ENO3: variants seen among roughly 807,000 people sequenced by gnomAD.
The protein encoded by ENO3 is enolase 3, also known as beta-enolase.
In ENO3, 46 loss-of-function variants were observed where a neutral mutation model predicts 47.7. The observed-to-expected ratio is 0.96, with a 90% CI of 0.76 to 1.23. The LOEUF is 1.23. ENO3 is among the 50% of genes most tolerant of loss of function. The pLI, the probability that ENO3 is intolerant of heterozygous loss-of-function variation, is 0.00. For synonymous variants in ENO3, 223 were observed against 225.9 expected, an observed-to-expected ratio of 0.99 and a Z score of 0.11; for missense variants, 575 against 566.2, an observed-to-expected ratio of 1.02 and a Z score of -0.16.
chr17:4,957,053 T>C lies in ENO3; in HGVS notation c.*6T>C, dbSNP rs747816947. 15 of 1,613,924 alleles carry C rather than the reference T, an allele frequency of 9.3e-6. No individual in the cohort carries two copies. In the South Asian group the frequency reaches 1.5e-4, roughly 17 times the overall value. On this transcript the variant is annotated 3_prime_UTR_variant, in exon 12 of 12. Coordinates refer to ENST00000519602, the MANE Select transcript of ENO3 (RefSeq NM_053013.4). ...GTAACCCGAAGGCCAAGTGAGAAGC[T>C]GGAGGCTCCAGGACTCCACTGGACA...
At chr17:4,956,425 T>G in intron 9 of ENO3, 148 bp from the exon 10 acceptor site, 1 of 848,824 alleles carries the variant, frequency 1.2e-6, no homozygotes, top group Non-Finnish European at 2.0e-6. Context: ...AAGATAAGTC[T>G]TTTCCTCTCC....
upstream of ENO3, chr17:4,950,517 C>T (rs1026006327): frequency 8.2e-6 from 8 of 977,810 alleles, no homozygotes; most frequent in South Asian, 2.8e-4. Context: ...CCTTGCCAGC[C>T]GAAAGGGCCT....
At chr17:4,954,033 T>C (rs1166186470) in intron 6 of ENO3, 188 bp downstream of exon 6, 2 of 852,740 alleles carry the variant, frequency 2.3e-6, no homozygotes, top group Non-Finnish European at 3.7e-6. Context: ...CCCTGAAGGC[T>C]CTATGTGCTT....
At chr17:4,956,470 C>A in intron 9 of ENO3, 103 bp from the exon 10 acceptor site, 1 of 1,128,346 alleles carries the variant, frequency 8.9e-7, no homozygotes, top group Non-Finnish European at 1.4e-6. Flanking sequence ...GCCCTCCCTG[C>A]AGAGTGCTTG....
At chr17:4,953,368 G>A (rs764620224) in intron 5 of ENO3, 27 bp downstream of exon 5, 1 of 1,614,018 alleles carries the variant, frequency 6.2e-7, no homozygotes. Context: ...CGGTGGGGAA[G>A]GGATGAGGTG....
intron 3 of ENO3, 36 bp from the exon 4 acceptor site, chr17:4,953,015 G>T (rs369407375): frequency 3.1e-6 from 5 of 1,613,902 alleles, no homozygotes; most frequent in Non-Finnish European, 3.4e-6. Flanking sequence ...GGGCCCAGTT[G>T]ATTGAGCTCC....
chr17:4,953,813 G>T lies in ENO3; in HGVS notation c.412G>T (p.Ala138Ser). 2 of 1,614,142 alleles carry T rather than the reference G, an allele frequency of 1.2e-6. No individual in the cohort carries two copies. Among genetic ancestry groups the T allele is most frequent in the Non-Finnish European group, 1.7e-6 (2 of 1,180,018 alleles). Residue 138 changes from alanine to serine, a missense_variant, in exon 6 of 12, where the codon GCT becomes TCT. By Grantham distance (99) the Ala-to-Ser change is moderately conservative. Transcript: ENST00000519602. The stretch of plus-strand genomic sequence containing the variant: ...CCTGTACCGCCACATCGCAGATCTC[G>T]CTGGGAACCCTGACCTCATACTCCC... ...VPLYRHIADL[A>S]GNPDLILPVP...
Position 4,955,151 on chromosome 17 carries a change from G to GAGCCAGCTCCTTCAAGGA in ENO3, c.527_544dup (p.Ser176_Ala181dup). The GAGCCAGCTCCTTCAAGGA allele has an allele frequency of 2.5e-6, 4 of 1,614,240 alleles. No homozygotes were observed. The highest frequency in any genetic ancestry group is 3.4e-6 in the Non-Finnish European group (4 of 1,180,040). ...CAGGAGTTCATGATTCTGCCTGTGG[G>GAGCCAGCTCCTTCAAGGA]AGCCAGCTCCTTCAAGGAAGCCATG... On this transcript the variant is annotated inframe_insertion, in exon 7 of 12. Coordinates refer to ENST00000519602, the MANE Select transcript of ENO3 (RefSeq NM_053013.4).
intron 1 of ENO3, chr17:4,951,594 C>T (rs1971540462): frequency 1.9e-6 from 1 of 527,392 alleles, no homozygotes; most frequent in East Asian, 3.5e-5. Context: ...GCGGTGGCAT[C>T]CCAGGAGCTA....
At chr17:4,956,347 AC>A in intron 9 of ENO3, 2 of 734,742 alleles carry the variant, frequency 2.7e-6, no homozygotes, top group Non-Finnish European at 4.6e-6. Flanking sequence ...ATGACCCCCC[AC>A]CCCCAGCCCA....
chr17:4,951,907 G>A lies in ENO3; in HGVS notation c.78G>A (p.Thr26=), dbSNP rs758704680. 3.0e-5 allele frequency: 49 copies of A among 1,613,964 alleles called. No individual in the cohort carries two copies. Among genetic ancestry groups the A allele is most frequent in the South Asian group, 6.6e-5 (6 of 91,072 alleles). The change falls in exon 2 of 12, where the codon ACG becomes ACA. Residue 26 remains threonine, a synonymous_variant. Coordinates refer to ENST00000519602, the MANE Select transcript of ENO3 (RefSeq NM_053013.4). ...GNPTVEVDLH[T]AKGRFRAAVP... Reference sequence around the variant, plus strand: ...CCACGGTGGAGGTGGACCTGCACACGGCCAAGGGTAACACAAGGCCCATTG... The same window carrying A: ...CCACGGTGGAGGTGGACCTGCACACAGCCAAGGGTAACACAAGGCCCATTG...
At chr17:4,956,749 G>A (rs1299748098) in intron 10 of ENO3, 68 bp downstream of exon 10, 17 of 1,613,756 alleles carry the variant, frequency 1.1e-5, no homozygotes, top group Non-Finnish European at 1.4e-5. Context: ...TCCTGCCTTT[G>A]AGGTTAATGC....
Position 4,953,642 on chromosome 17 carries a change from G to A in ENO3, c.311-70G>A, listed in dbSNP as rs181190833. ...ATGCTCAGTGGTTTGGAGCTCTGGC[G>A]TCTTCCTGGAGTAGCCACCCCAAAC... On this transcript the variant is annotated intron_variant, in intron 5 of 11. Transcript: ENST00000519602. 346 of 1,612,980 alleles carry A rather than the reference G, an allele frequency of 2.1e-4. No individual in the cohort carries two copies. The African/African-American group carries it at 3.9e-3, about 18-fold the overall frequency.
chr17:4,953,938 G>T, intron 6 of ENO3, 93 bp downstream of exon 6: 1 of 1,588,198 alleles, frequency 6.3e-7, no homozygotes, highest in Non-Finnish European at 8.6e-7. Context: ...CCACCTTTCA[G>T]ACCAGCTCCT....
Position 4,955,057 on chromosome 17 carries a change from A to C in ENO3, c.445-18A>C. On this transcript the variant is annotated intron_variant, in intron 6 of 11. Coordinates refer to ENST00000519602, the MANE Select transcript of ENO3 (RefSeq NM_053013.4). The stretch of plus-strand genomic sequence containing the variant: ...CTCATGCCCCGGCCCAGGTCCAGAC[A>C]CCCTCTCCCCATCTCAGGCCTTCAA... 6.3e-7 allele frequency: 1 copy of C among 1,579,716 alleles called. No homozygotes were observed. Among genetic ancestry groups the C allele is most frequent in the Non-Finnish European group, 8.6e-7 (1 of 1,159,814 alleles).
At chr17:4,955,796 CTGTCTCTGCCT>C (rs1225819171) in intron 8 of ENO3, 135 bp from the exon 9 acceptor site, 9 of 1,161,880 alleles carry the variant, frequency 7.7e-6, no homozygotes, top group South Asian at 5.0e-5. Context: ...TGTCTCTGCC[CTGTCTCTGCCT>C]TGTCTCTGCC....
rs1971546545 is a variant in ENO3 at position 4,951,769 on chromosome 17, G to C, written c.-2-59G>C. 52 of 1,562,936 alleles carry C rather than the reference G, an allele frequency of 3.3e-5. 1 individual carries two copies. In the South Asian group the frequency reaches 5.8e-4, roughly 17 times the overall value. ...TGGGGAAGAATCTTAAAGGGCAAGG[G>C]ATTTCTGGTTCCTTAAGAGATCAAC... is the stretch of plus-strand genomic sequence containing the variant. On this transcript the variant is annotated intron_variant, in intron 1 of 11. Coordinates refer to ENST00000519602, the MANE Select transcript of ENO3 (RefSeq NM_053013.4).
At chr17:4,951,804 T>C (rs773869154) in intron 1 of ENO3, 24 bp from the exon 2 acceptor site, 1 of 1,612,022 alleles carries the variant, frequency 6.2e-7, no homozygotes, top group Non-Finnish European at 8.5e-7. Flanking sequence ...CTGTCTACAC[T>C]CACTCACACC....
chr17:4,954,537 A>G (rs989746061), intron 6 of ENO3, among the ~76,000 whole-genome samples: 4 of 152,382 alleles, frequency 2.6e-5, no homozygotes, highest in East Asian at 1.9e-4. Context: ...TACTAGGCAC[A>G]TGCTAAGAAC....
Sources: allele counts gnomAD v4.1 joint callset (sites outside exome capture counted in the v4.1 genomes callset), GRCh38; gene constraint gnomAD v4.1.1; transcripts MANE v1.5; gene names NCBI Gene and HGNC (gene_info 2026-07-23, HGNC 2026-07-21).